Variants in UBE3D observed in about 807,000 individuals in gnomAD.
UBE3D encodes the protein E3 ubiquitin-protein ligase E3D.
A neutral mutation model predicts 49.6 loss-of-function variants in UBE3D; 48 were observed. The ratio of observed to expected loss-of-function variants is 0.97; its 90% CI spans 0.77 to 1.23. The LOEUF (loss-of-function observed/expected upper bound fraction) is 1.23, where lower values mean the gene tolerates loss of function less well. UBE3D is among the 50% of genes most tolerant of loss of function. The pLI is 0.00. For synonymous variants in UBE3D, 189 were observed against 174.2 expected, an observed-to-expected ratio of 1.08 and a Z score of -0.67; for missense variants, 452 against 468.4, an observed-to-expected ratio of 0.96 and a Z score of 0.32.
At chr6:82,885,491 G>C in the UBE3D span, among the ~76,000 whole-genome samples, 27,596 of 152,036 alleles carry the variant, frequency 0.18, 3,063 homozygotes, top group Admixed American at 0.37. Context: ...ATTTAATGCT[G>C]AAATAACCCC....
chr6:83,058,158 A>G (rs1191340001), intron 1 of UBE3D, 136 bp from the exon 2 acceptor site: 5 of 824,356 alleles, frequency 6.1e-6, no homozygotes, highest in Non-Finnish European at 9.4e-6. Context: ...GAAAAACAGC[A>G]GCAAGCAGAT....
At chr6:82,989,124 A>C (rs1407784085) in intron 8 of UBE3D, among the ~76,000 whole-genome samples, 1 of 152,108 alleles carries the variant, frequency 6.6e-6, no homozygotes, top group Non-Finnish European at 1.5e-5. Context: ...AGAGACAAAT[A>C]CAGAGGAAGC....
chr6:82,937,842 C>A (rs1032343420), intron 9 of UBE3D, among the ~76,000 whole-genome samples: 1 of 152,148 alleles, frequency 6.6e-6, no homozygotes, highest in Non-Finnish European at 1.5e-5. Context: ...CTAGCCTCCA[C>A]ATGAAAGAGT....
intron 9 of UBE3D, among the ~76,000 whole-genome samples, chr6:82,942,017 G>GA (rs1316737705): frequency 2.0e-5 from 3 of 152,210 alleles, no homozygotes; most frequent in Admixed American, 6.5e-5. Context: ...TTGGAACTGG[G>GA]AAACGGGCAG....
chr6:83,046,463 A>C (rs1377434319), intron 3 of UBE3D, among the ~76,000 whole-genome samples: 3 of 152,160 alleles, frequency 2.0e-5, no homozygotes, highest in Non-Finnish European at 4.4e-5. Context: ...GAGCCTGTTA[A>C]GCATACTGAG....
the UBE3D span, among the ~76,000 whole-genome samples, chr6:82,886,380 G>A: frequency 2.6e-5 from 4 of 152,090 alleles, no homozygotes; most frequent in South Asian, 6.2e-4. Flanking sequence ...CCTCCTATGG[G>A]AATCTAATGC....
intron 9 of UBE3D, among the ~76,000 whole-genome samples, chr6:82,945,495 G>C (rs77988146): frequency 5.3e-4 from 81 of 152,232 alleles, no homozygotes; most frequent in African/African-American, 1.8e-3. Flanking sequence ...CAACACCCAA[G>C]TCCTTTTGAA....
downstream of UBE3D, among the ~76,000 whole-genome samples, chr6:82,890,121 C>A (rs1361602697): frequency 6.6e-6 from 1 of 152,050 alleles, no homozygotes; most frequent in Non-Finnish European, 1.5e-5. Context: ...TAATGTGGAA[C>A]AACTTCCAAG....
intron 8 of UBE3D, among the ~76,000 whole-genome samples, chr6:82,998,121 G>T (rs1285533201): frequency 6.6e-6 from 1 of 152,208 alleles, no homozygotes; most frequent in Non-Finnish European, 1.5e-5. Context: ...ATAGGTACCT[G>T]GGACAAGCAC....
intron 2 of UBE3D, among the ~76,000 whole-genome samples, chr6:83,056,714 G>A (rs1340292788): frequency 6.6e-6 from 1 of 152,102 alleles, no homozygotes; most frequent in East Asian, 1.9e-4. Context: ...AAAGCCAAGA[G>A]CACAGACTCA....
At chr6:83,025,579 G>A (rs1781397654) in intron 5 of UBE3D, among the ~76,000 whole-genome samples, 2 of 152,030 alleles carry the variant, frequency 1.3e-5, no homozygotes, top group Non-Finnish European at 2.9e-5. Context: ...ACTTGGCAAA[G>A]GCCTTAAAAT....
In UBE3D at chr6:83,019,076, T is replaced by G; in HGVS notation, c.907A>C (p.Lys303Gln). 6.2e-7 allele frequency: 1 copy of G among 1,614,024 alleles called. No homozygotes were observed. The highest frequency in any genetic ancestry group is 8.5e-7 in the Non-Finnish European group (1 of 1,179,944). ...IESLRNSKYI[K>Q]KFPLLENTFK... ...GTGTTTTCCAACAAGGGGAATTTTT[T>G]GATATATTTGGAATTTCTCAAAGAT... The change falls in exon 8 of 10, where the codon AAA becomes CAA. Residue 303 changes from lysine to glutamine, a missense_variant. By Grantham distance (53) the Lys-to-Gln change is moderately conservative (BLOSUM62 1). Transcript: ENST00000369747.
intron 9 of UBE3D, among the ~76,000 whole-genome samples, chr6:82,898,155 C>A (rs140047243): frequency 6.6e-6 from 1 of 152,036 alleles, no homozygotes; most frequent in East Asian, 1.9e-4. Context: ...GTTAGAATGG[C>A]GATCATTAAA....
intron 8 of UBE3D, among the ~76,000 whole-genome samples, chr6:82,990,576 C>A (rs1380854711): frequency 6.6e-6 from 1 of 152,106 alleles, no homozygotes; most frequent in Non-Finnish European, 1.5e-5. Context: ...CCACACCTGG[C>A]CTGCCTTTCC....
chr6:82,887,389 G>GTTTTTGTTTTGTTTTTTTTT, the UBE3D span, among the ~76,000 whole-genome samples: 2 of 98,368 alleles, frequency 2.0e-5, no homozygotes, highest in African/African-American at 1.0e-4. Context: ...GACAGTAACA[G>GTTTTTGTTTTGTTTTTTTTT]TTTTTTTTTT....
intron 8 of UBE3D, among the ~76,000 whole-genome samples, chr6:82,964,513 A>T (rs1486171177): frequency 6.6e-6 from 1 of 152,138 alleles, no homozygotes; most frequent in Non-Finnish European, 1.5e-5. Context: ...GATAATTTGA[A>T]CTCTTCAACC....
intron 9 of UBE3D, among the ~76,000 whole-genome samples, chr6:82,909,732 C>T (rs1208918802): frequency 6.6e-6 from 1 of 152,146 alleles, no homozygotes; most frequent in African/African-American, 2.4e-5. Context: ...ACTTGTCTGT[C>T]ACCTTCATGT....
At chr6:83,060,309 A>C (rs893746421) in intron 1 of UBE3D, among the ~76,000 whole-genome samples, 1 of 152,224 alleles carries the variant, frequency 6.6e-6, no homozygotes, top group African/African-American at 2.4e-5. Flanking sequence ...CCACTAGGAC[A>C]ATGAGGGCCA....
chr6:83,024,465 T>C (rs1013438219), intron 5 of UBE3D, among the ~76,000 whole-genome samples: 3 of 152,184 alleles, frequency 2.0e-5, no homozygotes, highest in African/African-American at 7.2e-5. Context: ...GGCTTCCACT[T>C]GGTCTTTTCT....
Sources: gnomAD v4.1 joint callset for allele counts (sites outside exome capture counted in the v4.1 genomes callset) on GRCh38, gnomAD v4.1.1 for gene constraint, MANE v1.5 for transcripts, NCBI Gene and HGNC (gene_info 2026-07-23, HGNC 2026-07-21) for gene names.